Variants in TNFAIP3 observed in about 807,000 individuals in gnomAD.
The protein encoded by TNFAIP3 is TNF alpha induced protein 3.
In TNFAIP3, 9 loss-of-function variants were observed where a neutral mutation model predicts 72.4. That is an observed-to-expected ratio of 0.12 (90% CI 0.07 to 0.22). TNFAIP3 has a LOEUF of 0.22. TNFAIP3 is among the 10% of genes least tolerant of loss of function. The probability of loss-of-function intolerance (pLI) is 1.00; values close to 1 mark genes in which losing one functional copy is unlikely to be tolerated. For missense variants in TNFAIP3, 833 were observed against 1,018.7 expected (o/e 0.82, Z 2.48); for synonymous variants, 339 against 372.6 (o/e 0.91, Z 1.04).
Position 137,879,047 on chromosome 6 carries a change from G to C in TNFAIP3, c.1602G>C (p.Gly534=), listed in dbSNP as rs778406117. 11 of 1,614,220 alleles carry C rather than the reference G, an allele frequency of 6.8e-6. No homozygotes were observed. The highest frequency in any genetic ancestry group is 9.3e-6 in the Non-Finnish European group (11 of 1,180,046). Residue 534 remains glycine, a synonymous_variant, in exon 7 of 9, where the codon GGG becomes GGC. Transcript: ENST00000612899. ...AGGATGTTACCAGGACATTTAATGGGATCTGCAGTACTTGCTTCAAAAGGA... is the reference window on the plus strand; with the variant it reads ...AGGATGTTACCAGGACATTTAATGGCATCTGCAGTACTTGCTTCAAAAGGA... ...CLQDVTRTFN[G]ICSTCFKRTT... is the part of the protein sequence containing the mutation.
In TNFAIP3 at chr6:137,877,021, C is replaced by T. The variant is rs1776272091; in HGVS notation, c.806-55C>T. On this transcript the variant is annotated intron_variant, in intron 5 of 8. Transcript: ENST00000612899. Reference sequence around the variant, plus strand: ...CATTTTCAAAATGAGATCTACTTACCTATGGCCTTGTTTAGTAGAATACTG... The same window carrying T: ...CATTTTCAAAATGAGATCTACTTACTTATGGCCTTGTTTAGTAGAATACTG... The T allele has an allele frequency of 9.8e-6, 13 of 1,321,052 alleles. No homozygotes were observed. The Admixed American group carries it at 1.4e-4, about 15-fold the overall frequency. The allele number at this position is 1,321,052 out of a possible 1,614,324, so 81.8% of individuals were successfully genotyped here. A position where few individuals can be genotyped will look rare whatever the true frequency, so the allele number is the denominator to read the frequency against.
At position 137,881,411 on chromosome 6, in the gene TNFAIP3, C is replaced by G. The variant is rs1776460011; in HGVS notation, c.*92C>G. The G allele has an allele frequency of 8.6e-7, 1 of 1,159,566 alleles. No homozygotes were observed. The highest frequency in any genetic ancestry group is 2.4e-5 in the Admixed American group (1 of 42,446). The allele number at this position is 1,159,566 out of a possible 1,614,324, so 71.8% of individuals were successfully genotyped here. On this transcript the variant is annotated 3_prime_UTR_variant, in exon 9 of 9. Transcript: ENST00000612899. This position sits in a 1 kb window ranked among gnomAD's most constrained non-coding sequence, Gnocchi z 5.0. ...CCTCTGAACCCCTCAGCTGCCACTGCAACAGTGGGCTTAAGGGTGTCTGAG... is the reference window on the plus strand; with the variant it reads ...CCTCTGAACCCCTCAGCTGCCACTGGAACAGTGGGCTTAAGGGTGTCTGAG...
intron 3 of TNFAIP3, among the ~76,000 whole-genome samples, chr6:137,875,470 T>A (rs748941544): frequency 1.3e-5 from 2 of 151,594 alleles, no homozygotes; most frequent in Non-Finnish European, 2.9e-5. Context: ...GCTGTCCCCG[T>A]CCTCCCCAAC....
In TNFAIP3 at chr6:137,876,091, T is replaced by A; in HGVS notation, c.730T>A (p.Tyr244Asn). Residue 244 changes from tyrosine (Y) to asparagine (N), a missense_variant, in exon 5 of 9, where the codon TAC becomes AAC. Tyr to Asn is a moderately radical substitution (Grantham distance 143). This residue lies in a region of TNFAIP3 where 246 missense variants were observed against 360.9 expected (regional missense o/e 0.68). Coordinates refer to ENST00000612899, the MANE Select transcript of TNFAIP3 (RefSeq NM_001270508.2). ...LPLHWPAQEC[Y>N]RYPIVLGYDS... ...TCTCCACTGGCCTGCCCAGGAATGC[T>A]ACAGATACCCCATTGTTCTCGGCTA... 6.2e-7 allele frequency: 1 copy of A among 1,614,236 alleles called. No individual in the cohort carries two copies. The highest frequency in any genetic ancestry group is 8.5e-7 in the Non-Finnish European group (1 of 1,180,024).
Position 137,877,120 on chromosome 6 carries a change from G to A in TNFAIP3, c.850G>A (p.Glu284Lys). 6.2e-7 allele frequency: 1 copy of A among 1,613,046 alleles called. No homozygotes were observed. Among genetic ancestry groups the A allele is most frequent in the Non-Finnish European group, 8.5e-7 (1 of 1,179,540 alleles). ...TGTTAACAGAGACCGGGGAAGATTT[G>A]AAGACTTAAAAGTTCACTTTTTGAC... ...PLVNRDRGRF[E>K]DLKVHFLTDP... Residue 284 changes from glutamate (E) to lysine (K), a missense_variant, in exon 6 of 9, where the codon GAA (glutamate) becomes AAA (lysine). Coordinates refer to ENST00000612899, the MANE Select transcript of TNFAIP3 (RefSeq NM_001270508.2).
chr6:137,872,571 A>C (rs1015510301), intron 2 of TNFAIP3, among the ~76,000 whole-genome samples: 1 of 152,218 alleles, frequency 6.6e-6, no homozygotes, highest in African/African-American at 2.4e-5. Flanking sequence ...TGGGTAACTT[A>C]GAGTGATTGG....
Position 137,878,980 on chromosome 6 carries a change from A to T in TNFAIP3, c.1535A>T (p.His512Leu). The T allele has an allele frequency of 1.2e-6, 2 of 1,614,196 alleles. No individual in the cohort carries two copies. The highest frequency in any genetic ancestry group is 1.7e-6 in the Non-Finnish European group (2 of 1,180,028). Residue 512 changes from histidine (H) to leucine (L), a missense_variant, in exon 7 of 9, where the codon CAC becomes CTC. By Grantham distance (99) the His-to-Leu change is moderately conservative. This residue lies in a region of TNFAIP3 where 587 missense variants were observed against 657.8 expected (regional missense o/e 0.89). Coordinates refer to ENST00000612899, the MANE Select transcript of TNFAIP3 (RefSeq NM_001270508.2). ...CTTCACGCCAGCCACGCCCCAGACC[A>T]CACAAGGCACTTGGATCCCGGGAAG... is the stretch of plus-strand genomic sequence containing the variant. ...RQLHASHAPD[H>L]TRHLDPGKCQ...
intron 6 of TNFAIP3, 31 bp from the exon 7 acceptor site, chr6:137,878,401 C>T: frequency 6.4e-7 from 1 of 1,560,312 alleles, no homozygotes; most frequent in East Asian, 2.3e-5. Context: ...TTTGTGTATT[C>T]TCATACATAT....
intron 1 of TNFAIP3, chr6:137,868,026 A>C (rs760911406): frequency 2.6e-5 from 4 of 153,366 alleles, no homozygotes; most frequent in Non-Finnish European, 4.4e-5. Flanking sequence ...CTTCAGTCCC[A>C]GAGACAGCTT....
At chr6:137,877,509 T>G (rs185746301) in intron 6 of TNFAIP3, among the ~76,000 whole-genome samples, 1 of 152,270 alleles carries the variant, frequency 6.6e-6, no homozygotes, top group African/African-American at 2.4e-5. Context: ...AAAGTCAGAA[T>G]TGCAGAATTA....
intron 2 of TNFAIP3, among the ~76,000 whole-genome samples, chr6:137,872,617 C>T (rs2096800832): frequency 6.6e-6 from 1 of 152,146 alleles, no homozygotes; most frequent in Non-Finnish European, 1.5e-5. Context: ...TCTGGGGGCT[C>T]TTGTACATTA....
In TNFAIP3 at chr6:137,872,077, G is replaced by A. The variant is rs147998600; in HGVS notation, c.295+555G>A. On this transcript the variant is annotated intron_variant, in intron 2 of 8. Coordinates refer to ENST00000612899, the MANE Select transcript of TNFAIP3 (RefSeq NM_001270508.2). Reference sequence around the variant, plus strand: ...GGTTCTATTGCCTATGCCCTGCAAGGTGAAATAGACAGATAGCTGAGATTT... The same window carrying A: ...GGTTCTATTGCCTATGCCCTGCAAGATGAAATAGACAGATAGCTGAGATTT... 1.4e-4 allele frequency among the ~76,000 whole-genome samples: 22 copies of A among 152,322 alleles called. 1 individual carries two copies. In the East Asian group the frequency reaches 4.0e-3, roughly 28 times the overall value.
intron 1 of TNFAIP3, among the ~76,000 whole-genome samples, chr6:137,870,164 C>T (rs780051356): frequency 2.0e-5 from 3 of 152,168 alleles, no homozygotes; most frequent in African/African-American, 7.2e-5. Context: ...GGCAGACTTG[C>T]CTCTGTGTTG....
chr6:137,869,923 T>A (rs1776001553), intron 1 of TNFAIP3, among the ~76,000 whole-genome samples: 1 of 152,222 alleles, frequency 6.6e-6, no homozygotes, highest in Admixed American at 6.5e-5. Context: ...TACTAAGGGC[T>A]AGTAAATCAC....
Position 137,875,556 on chromosome 6 carries a change from G to C in TNFAIP3, c.487-132G>C. 4 of 1,173,326 alleles carry C rather than the reference G, an allele frequency of 3.4e-6. No individual in the cohort carries two copies. In the South Asian group the frequency reaches 6.6e-5, roughly 19 times the overall value. The allele number at this position is 1,173,326 out of a possible 1,614,324, so 72.7% of individuals were successfully genotyped here. A position where few individuals can be genotyped will look rare whatever the true frequency, so the allele number is the denominator to read the frequency against. On this transcript the variant is annotated intron_variant, in intron 3 of 8. Coordinates refer to ENST00000612899, the MANE Select transcript of TNFAIP3 (RefSeq NM_001270508.2). ...GGGAAAAAAGGGTGATCATTTGAAT[G>C]ATGGTTTCATGAAAGGGGAAAAAAT...
At chr6:137,868,113 G>C (rs978893047) in intron 1 of TNFAIP3, 4 of 152,992 alleles carry the variant, frequency 2.6e-5, no homozygotes, top group Non-Finnish European at 5.8e-5. Context: ...AGCAGTGTAA[G>C]AGAAGTATGC....
chr6:137,870,315 G>A (rs951666265), intron 1 of TNFAIP3, among the ~76,000 whole-genome samples: 5 of 152,076 alleles, frequency 3.3e-5, no homozygotes, highest in Non-Finnish European at 7.4e-5. Context: ...AGAGACCTAG[G>A]TCTCACCGTG....
chr6:137,876,406 TA>T (rs764109150), intron 5 of TNFAIP3: 28 of 416,002 alleles, frequency 6.7e-5, no homozygotes, highest in Non-Finnish European at 9.3e-5. Context: ...ACAGTGCTCT[TA>T]ATACAGTGCC....
In TNFAIP3 at chr6:137,876,173, A is replaced by G; in HGVS notation, c.805+7A>G. 1 of 1,606,686 alleles carries G rather than the reference A, an allele frequency of 6.2e-7. No individual in the cohort carries two copies. Among genetic ancestry groups the G allele is most frequent in the Non-Finnish European group, 8.5e-7 (1 of 1,177,330 alleles). ...CTGAAGGACAGTGGGCCTGGTGAGAAAACTGCATTAATTCACATCTATAAC... is the reference window on the plus strand; with the variant it reads ...CTGAAGGACAGTGGGCCTGGTGAGAGAACTGCATTAATTCACATCTATAAC... On this transcript the variant is annotated splice_region_variant and intron_variant, in intron 5 of 8. Coordinates refer to ENST00000612899, the MANE Select transcript of TNFAIP3 (RefSeq NM_001270508.2).
Sources: allele counts gnomAD v4.1 joint callset (sites outside exome capture counted in the v4.1 genomes callset), GRCh38; gene constraint gnomAD v4.1.1; regional missense constraint gnomAD v4.1.1; non-coding constraint Gnocchi (gnomAD v3.1); transcripts MANE v1.5; gene names NCBI Gene and HGNC (gene_info 2026-07-23, HGNC 2026-07-21).